The following MED12L variants were observed in gnomAD, a reference collection of about 807,000 sequenced individuals.
MED12L encodes mediator of RNA polymerase II transcription subunit 12-like protein.
A neutral mutation model predicts 281.3 loss-of-function variants in MED12L; 60 were observed. The observed-to-expected ratio is 0.21, with a 90% CI of 0.17 to 0.26. MED12L has a LOEUF of 0.26. Among genes scored for constraint, MED12L ranks in the 10% least tolerant of loss-of-function variants. The pLI, the probability that MED12L is intolerant of heterozygous loss-of-function variation, is 1.00. For missense variants in MED12L, 2,146 were observed against 2,680.9 expected, an observed-to-expected ratio of 0.80 and a Z score of 4.41; for synonymous variants, 974 against 987.2, an observed-to-expected ratio of 0.99 and a Z score of 0.25.
intron 2 of MED12L, among the ~76,000 whole-genome samples, chr3:151,089,481 ATTAG>A (rs1280381552): frequency 6.6e-6 from 1 of 151,996 alleles, no homozygotes; most frequent in East Asian, 1.9e-4. Flanking sequence ...TCATTTGTAA[ATTAG>A]TTTGTGCACT....
intron 16 of MED12L, among the ~76,000 whole-genome samples, chr3:151,349,167 G>C (rs565527317): frequency 1.3e-5 from 2 of 152,190 alleles, no homozygotes; most frequent in Non-Finnish European, 2.9e-5. Flanking sequence ...GGCACATCTT[G>C]GACTCTGTTA....
intron 33 of MED12L, among the ~76,000 whole-genome samples, chr3:151,382,961 A>G (rs749418736): frequency 1.4e-4 from 22 of 152,124 alleles, no homozygotes; most frequent in Admixed American, 3.3e-4. Flanking sequence ...TAGGTATTTT[A>G]AGCATAGATT....
At chr3:151,347,004 T>G (rs117015198) in intron 16 of MED12L, among the ~76,000 whole-genome samples, 1 of 152,266 alleles carries the variant, frequency 6.6e-6, no homozygotes, top group East Asian at 1.9e-4. Context: ...ATAAATAATT[T>G]TAACTAGTGG....
At chr3:151,117,757 T>A (rs1713060292) in intron 3 of MED12L, among the ~76,000 whole-genome samples, 1 of 151,924 alleles carries the variant, frequency 6.6e-6, no homozygotes. Context: ...CAAAAAATTT[T>A]TTTAAAATTA....
chr3:151,230,942 A>G (rs192610008), intron 16 of MED12L, among the ~76,000 whole-genome samples: 115 of 152,316 alleles, frequency 7.6e-4, no homozygotes, highest in Middle Eastern at 3.4e-3. Context: ...CAGGAAAAGT[A>G]TAAGTTGAGT....
chr3:151,176,049 A>G (rs1722004446), intron 11 of MED12L, among the ~76,000 whole-genome samples: 1 of 152,078 alleles, frequency 6.6e-6, no homozygotes. Flanking sequence ...ACAGGAGTAC[A>G]TTCTTGATAT....
At chr3:151,332,825 C>A (rs537224310) in intron 16 of MED12L, among the ~76,000 whole-genome samples, 1 of 151,998 alleles carries the variant, frequency 6.6e-6, no homozygotes, top group Non-Finnish European at 1.5e-5. Flanking sequence ...GTTTGGTGTA[C>A]AGATTATTTT....
chr3:151,127,238 T>C (rs567563370), intron 4 of MED12L, among the ~76,000 whole-genome samples: 1 of 152,352 alleles, frequency 6.6e-6, no homozygotes, highest in East Asian at 1.9e-4. Flanking sequence ...AGTAAATTAA[T>C]TACCTAGCTA....
intron 38 of MED12L, among the ~76,000 whole-genome samples, chr3:151,393,184 A>G (rs1024295287): frequency 6.6e-6 from 1 of 152,222 alleles, no homozygotes; most frequent in African/African-American, 2.4e-5. Context: ...GAATCACAGG[A>G]ACATCTCTGC....
chr3:151,232,722 T>C (rs1226351885), intron 16 of MED12L, among the ~76,000 whole-genome samples: 1 of 152,074 alleles, frequency 6.6e-6, no homozygotes, highest in African/African-American at 2.4e-5. Context: ...CACTTATAAG[T>C]GGGAGCTAAA....
chr3:151,335,251 C>T (rs1750829601), intron 16 of MED12L, among the ~76,000 whole-genome samples: 1 of 152,146 alleles, frequency 6.6e-6, no homozygotes, highest in South Asian at 2.1e-4. Context: ...TTTTTGTACT[C>T]ATTTACCAGT....
At chr3:151,100,821 T>C (rs935598769) in intron 2 of MED12L, among the ~76,000 whole-genome samples, 1 of 152,252 alleles carries the variant, frequency 6.6e-6, no homozygotes, top group Non-Finnish European at 1.5e-5. Flanking sequence ...AATTATATTT[T>C]CGTTTACTTA....
intron 15 of MED12L, 106 bp downstream of exon 15, chr3:151,192,760 A>G (rs1203115366): frequency 5.4e-6 from 4 of 741,554 alleles, no homozygotes; most frequent in Admixed American, 2.2e-5. Context: ...CATTTGTGAT[A>G]TGTAATCTTG....
At chr3:151,152,162 C>T (rs887968981) in intron 5 of MED12L, among the ~76,000 whole-genome samples, 5 of 121,916 alleles carry the variant, frequency 4.1e-5, no homozygotes, top group African/African-American at 9.5e-5. Context: ...TGCAGTAGAG[C>T]AATCTGGGCT....
At chr3:151,167,167 G>A (rs1217837965) in intron 11 of MED12L, among the ~76,000 whole-genome samples, 6 of 152,188 alleles carry the variant, frequency 3.9e-5, no homozygotes, top group African/African-American at 1.2e-4. Context: ...ATCTAAAATT[G>A]ATAATCACAG....
chr3:151,326,847 G>A (rs1282628849), intron 16 of MED12L: 2 of 152,100 alleles, frequency 1.3e-5, no homozygotes, highest in Non-Finnish European at 2.9e-5. Context: ...CATCATTTCA[G>A]AAAGCCACAT....
chr3:151,360,666 T>G (rs986515157), intron 21 of MED12L, 61 bp downstream of exon 21: 1 of 1,444,586 alleles, frequency 6.9e-7, no homozygotes, highest in African/African-American at 1.4e-5. Context: ...TTAGTGACCC[T>G]GACAATATTG....
intron 16 of MED12L, among the ~76,000 whole-genome samples, chr3:151,289,737 T>C (rs1052756368): frequency 6.6e-6 from 1 of 152,192 alleles, no homozygotes. Flanking sequence ...CATTTAAACC[T>C]ATACCTAGAC....
At chr3:151,415,339 G>A (rs1331855812) in intron 42 of MED12L, among the ~76,000 whole-genome samples, 3 of 152,194 alleles carry the variant, frequency 2.0e-5, no homozygotes, top group Non-Finnish European at 4.4e-5. Context: ...TAATGATGAA[G>A]TTGGGTTAAT....
Sources: allele counts gnomAD v4.1 joint callset (sites outside exome capture counted in the v4.1 genomes callset), GRCh38; gene constraint gnomAD v4.1.1; transcripts MANE v1.5; gene names NCBI Gene and HGNC (gene_info 2026-07-23, HGNC 2026-07-21).